Variants in KALRN observed in about 807,000 individuals in gnomAD.
KALRN encodes the protein kalirin RhoGEF kinase.
In KALRN, 70 loss-of-function variants were observed where a neutral mutation model predicts 353.7. That is an observed-to-expected ratio of 0.20 (90% CI 0.16 to 0.24). The LOEUF is 0.24. Among genes scored for constraint, KALRN ranks in the 10% least tolerant of loss-of-function variants. The pLI is 1.00. For missense variants in KALRN, 2,791 were observed against 3,756.7 expected (o/e 0.74, Z 6.72); for synonymous variants, 1,391 against 1,434.8 (o/e 0.97, Z 0.69).
At chr3:124,463,263 A>T (rs2060019348) in intron 25 of KALRN, among the ~76,000 whole-genome samples, 1 of 152,268 alleles carries the variant, frequency 6.6e-6, no homozygotes, top group Non-Finnish European at 1.5e-5. Flanking sequence ...ACCAACCAAT[A>T]GAAATAACTG....
At position 124,724,953 on chromosome 3, in the gene KALRN, G is replaced by T. The variant is rs1283388891; in HGVS notation, c.*5483G>T. 1 of 152,184 alleles carries T rather than the reference G, an allele frequency of 6.6e-6. No individual in the cohort carries two copies. Among genetic ancestry groups the T allele is most frequent in the Non-Finnish European group, 1.5e-5 (1 of 68,034 alleles). The allele number at this position is 152,184 out of a possible 1,614,324, so 9.4% of individuals were successfully genotyped here. ...GTTCAGATTTAGTTTTTATTCAAAT[G>T]ATCAAGATAACGCATTAGTTAGATA... On this transcript the variant is annotated 3_prime_UTR_variant, in exon 60 of 60. Transcript: ENST00000682506.
At chr3:124,664,646 T>C (rs748657141) in intron 45 of KALRN, among the ~76,000 whole-genome samples, 1 of 152,162 alleles carries the variant, frequency 6.6e-6, no homozygotes, top group Non-Finnish European at 1.5e-5. Flanking sequence ...CCTGACCTGG[T>C]GATCCGCCGG....
intron 9 of KALRN, among the ~76,000 whole-genome samples, chr3:124,344,313 C>T (rs974294590): frequency 6.6e-6 from 1 of 152,172 alleles, no homozygotes. Context: ...AAATTTATAG[C>T]GTGTAATGTA....
intron 1 of KALRN, among the ~76,000 whole-genome samples, chr3:124,218,145 C>T (rs1198730499): frequency 6.6e-6 from 1 of 152,146 alleles, no homozygotes; most frequent in East Asian, 1.9e-4. Context: ...AGGGGAGAAG[C>T]ATCCAAGAGG....
At chr3:124,395,368 T>C (rs1560792402) in intron 12 of KALRN, 25 bp downstream of exon 12, 2 of 1,584,440 alleles carry the variant, frequency 1.3e-6, no homozygotes, top group Admixed American at 1.7e-5. Context: ...AGCTTTCCAG[T>C]GGGAAATGCC....
chr3:124,528,901 A>G (rs931690817), intron 33 of KALRN, among the ~76,000 whole-genome samples: 9 of 152,286 alleles, frequency 5.9e-5, no homozygotes, highest in African/African-American at 2.2e-4. Flanking sequence ...TTGGATCTAT[A>G]CTTGTGCTCA....
At chr3:124,221,014 A>T (rs1052821457) in intron 1 of KALRN, among the ~76,000 whole-genome samples, 1 of 152,186 alleles carries the variant, frequency 6.6e-6, no homozygotes, top group Non-Finnish European at 1.5e-5. Flanking sequence ...TATGTAGCAC[A>T]GACCTGGCTC....
At chr3:124,121,522 C>T (rs1194555133) in intron 1 of KALRN, among the ~76,000 whole-genome samples, 1 of 152,162 alleles carries the variant, frequency 6.6e-6, no homozygotes, top group African/African-American at 2.4e-5. Context: ...TTATTTCTCT[C>T]TCATATTTGT....
chr3:124,599,068 G>A (rs114026073), intron 34 of KALRN, among the ~76,000 whole-genome samples: 2,044 of 152,240 alleles, frequency 0.013, 44 homozygotes, highest in African/African-American at 0.046. Flanking sequence ...TTGGGCAGTC[G>A]GGACCCTGCC....
chr3:124,399,608 C>T (rs548967408), intron 13 of KALRN, among the ~76,000 whole-genome samples: 116 of 152,276 alleles, frequency 7.6e-4, no homozygotes, highest in African/African-American at 2.6e-3. Context: ...ATAAATCATG[C>T]GTTAGATTCA....
chr3:124,581,236 C>A (rs2074596981), intron 34 of KALRN, among the ~76,000 whole-genome samples: 2 of 151,926 alleles, frequency 1.3e-5, no homozygotes, highest in African/African-American at 4.8e-5. Flanking sequence ...CGCCTGTAAT[C>A]CCAAAACTTA....
chr3:124,193,749 TTG>T (rs1402149019), intron 1 of KALRN, among the ~76,000 whole-genome samples: 1 of 152,160 alleles, frequency 6.6e-6, no homozygotes, highest in African/African-American at 2.4e-5. Flanking sequence ...CCTCGAGTCT[TTG>T]TTTCACTTTT....
intron 33 of KALRN, chr3:124,519,672 C>G (rs1440339995): frequency 2.0e-6 from 2 of 985,232 alleles, no homozygotes; most frequent in African/African-American, 3.5e-5. Context: ...GAATCGTGCT[C>G]TCAATGCAAA....
Position 124,717,306 on chromosome 3 carries a change from A to G in KALRN, c.8336A>G (p.Lys2779Arg), listed in dbSNP as rs1469880870. ...LMNHDELMEE[K>R]VAFYIRDIME... is the part of the protein sequence containing the mutation. Reference sequence around the variant, plus strand: ...AATCATGATGAACTGATGGAGGAAAAAGTAGCTTTCTATATCCGAGACATC... The same window carrying G: ...AATCATGATGAACTGATGGAGGAAAGAGTAGCTTTCTATATCCGAGACATC... Residue 2779 changes from lysine (K) to arginine (R), a missense_variant, in exon 59 of 60, where the codon AAA (lysine) becomes AGA (arginine). Lys to Arg is a conservative substitution (Grantham distance 26). Around this residue, in one of 11 missense-constraint regions of KALRN, gnomAD observed 188 missense variants for 402.9 expected, o/e 0.47. Transcript: ENST00000682506. The G allele has an allele frequency of 1.2e-6, 2 of 1,613,084 alleles. No individual in the cohort carries two copies. Among genetic ancestry groups the G allele is most frequent in the African/African-American group, 1.3e-5 (1 of 75,010 alleles).
At chr3:124,528,992 C>G (rs1303025201) in intron 33 of KALRN, among the ~76,000 whole-genome samples, 1 of 152,146 alleles carries the variant, frequency 6.6e-6, no homozygotes, top group Non-Finnish European at 1.5e-5. Flanking sequence ...TTGAACATGA[C>G]TCAGACTCAT....
At chr3:124,110,469 G>GTGCACACACA (rs1553768423) in intron 1 of KALRN, among the ~76,000 whole-genome samples, 2 of 133,984 alleles carry the variant, frequency 1.5e-5, no homozygotes, top group South Asian at 2.3e-4. Context: ...ACACACGCGC[G>GTGCACACACA]CACACACACA....
chr3:124,519,355 A>G (rs561776449), intron 33 of KALRN: 30 of 985,444 alleles, frequency 3.0e-5, no homozygotes, highest in Middle Eastern at 1.0e-3. Context: ...CCAGTTTCCA[A>G]CACACTCAAG....
chr3:124,201,056 C>T (rs1358107225), intron 1 of KALRN, among the ~76,000 whole-genome samples: 1 of 152,158 alleles, frequency 6.6e-6, no homozygotes, highest in Admixed American at 6.5e-5. Context: ...GTAAAGCCAT[C>T]CAAAGAAAAA....
intron 25 of KALRN, 93 bp downstream of exon 25, chr3:124,462,726 T>C (rs989261606): frequency 5.9e-6 from 4 of 681,306 alleles, no homozygotes; most frequent in Non-Finnish European, 1.0e-5. Flanking sequence ...GATTGGTGAA[T>C]CTTATCTGGT....
Sources: gnomAD v4.1 joint callset for allele counts (sites outside exome capture counted in the v4.1 genomes callset) on GRCh38, gnomAD v4.1.1 for gene constraint, gnomAD v4.1.1 regional missense constraint, MANE v1.5 for transcripts, NCBI Gene and HGNC (gene_info 2026-07-23, HGNC 2026-07-21) for gene names.